The following TCF12 variants were observed in gnomAD, a reference collection of about 807,000 sequenced individuals.
The protein encoded by TCF12 is DNA-binding protein HTF4.
A neutral mutation model predicts 86.0 loss-of-function variants in TCF12; 45 were observed. The observed-to-expected ratio is 0.52, with a 90% CI of 0.41 to 0.67. The LOEUF (loss-of-function observed/expected upper bound fraction) is 0.67, where lower values mean the gene tolerates loss of function less well. Among genes scored for constraint, TCF12 ranks in the 30% least tolerant of loss-of-function variants. The pLI is 0.00. For missense variants in TCF12, 881 were observed against 859.9 expected (o/e 1.02, Z -0.31); for synonymous variants, 330 against 299.6 (o/e 1.10, Z -1.05).
At chr15:57,232,215 G>C in intron 9 of TCF12, 76 bp from the exon 10 acceptor site, 1 of 1,559,732 alleles carries the variant, frequency 6.4e-7, no homozygotes, top group Non-Finnish European at 8.8e-7. Flanking sequence ...GGTACCCCTT[G>C]AATTTTTATA....
At chr15:57,253,679 C>T (rs2152021761) in intron 16 of TCF12, among the ~76,000 whole-genome samples, 1 of 152,284 alleles carries the variant, frequency 6.6e-6, no homozygotes, top group East Asian at 1.9e-4. Flanking sequence ...AAGCTTTCTA[C>T]AGAGATCATT....
At chr15:57,181,599 T>G (rs932428090) in intron 6 of TCF12, among the ~76,000 whole-genome samples, 1 of 152,208 alleles carries the variant, frequency 6.6e-6, no homozygotes. Context: ...TTCCTTTCAT[T>G]TACTTTTTGT....
intron 3 of TCF12, among the ~76,000 whole-genome samples, chr15:56,998,964 C>T (rs937062214): frequency 1.4e-4 from 22 of 151,932 alleles, no homozygotes; most frequent in Non-Finnish European, 2.1e-4. Context: ...TTTGGGAGGC[C>T]GAGACGGGCG....
intron 4 of TCF12, among the ~76,000 whole-genome samples, chr15:57,074,931 AT>A (rs1247456365): frequency 6.6e-6 from 1 of 152,162 alleles, no homozygotes; most frequent in African/African-American, 2.4e-5. Flanking sequence ...TAATGGTTAG[AT>A]TTTTGTGTCA....
At chr15:57,048,387 A>G (rs974898487) in intron 3 of TCF12, among the ~76,000 whole-genome samples, 2 of 151,956 alleles carry the variant, frequency 1.3e-5, no homozygotes, top group African/African-American at 4.8e-5. Context: ...TCAGCCTCAC[A>G]AGTAGCTGGG....
intron 6 of TCF12, among the ~76,000 whole-genome samples, chr15:57,181,434 T>G (rs904682857): frequency 0.046 from 21 of 452 alleles, no homozygotes; most frequent in Non-Finnish European, 0.044. Flanking sequence ...TATAGCAGTA[T>G]GATTCTGAAT....
At chr15:57,060,340 C>T in intron 3 of TCF12, among the ~76,000 whole-genome samples, 1 of 152,092 alleles carries the variant, frequency 6.6e-6, no homozygotes, top group East Asian at 1.9e-4. Flanking sequence ...AAATGGAGCT[C>T]ATAGAATCAG....
chr15:57,040,896 T>C (rs1229266865), intron 3 of TCF12, among the ~76,000 whole-genome samples: 6 of 152,190 alleles, frequency 3.9e-5, no homozygotes, highest in Admixed American at 6.5e-5. Context: ...AAATTTCTGC[T>C]TAAGTGCATA....
intron 3 of TCF12, among the ~76,000 whole-genome samples, chr15:56,938,717 C>T (rs1207367112): frequency 1.3e-5 from 2 of 151,344 alleles, no homozygotes; most frequent in Non-Finnish European, 2.9e-5. Flanking sequence ...GATTAGGGCC[C>T]CCCTTCATGA....
At chr15:57,282,404 C>G (rs2061732123) in intron 19 of TCF12, 41 bp from the exon 20 acceptor site, 3 of 1,612,996 alleles carry the variant, frequency 1.9e-6, no homozygotes, top group Non-Finnish European at 2.5e-6. Flanking sequence ...TAATTCATAA[C>G]TTAAAACCAT....
intron 3 of TCF12, among the ~76,000 whole-genome samples, chr15:56,947,910 A>G (rs1317312333): frequency 1.3e-5 from 2 of 152,180 alleles, no homozygotes; most frequent in Admixed American, 6.6e-5. Context: ...TGCATGGAGC[A>G]GAGCTGGGTG....
intron 3 of TCF12, among the ~76,000 whole-genome samples, chr15:57,001,092 C>T (rs1488017570): frequency 2.7e-5 from 4 of 148,950 alleles, no homozygotes; most frequent in African/African-American, 9.9e-5. Flanking sequence ...TCTCGGCTCA[C>T]TGCAACCTGT....
intron 3 of TCF12, among the ~76,000 whole-genome samples, chr15:57,030,052 G>T (rs370864160): frequency 7.3e-6 from 1 of 137,664 alleles, no homozygotes; most frequent in African/African-American, 2.9e-5. Flanking sequence ...GCATGTTTTT[G>T]TATGAACATA....
chr15:56,919,952 C>A lies in TCF12; in HGVS notation c.39C>A (p.Thr13=), dbSNP rs748861864. Reference sequence around the variant, plus strand: ...AACAACGCATGGCCGCTATAGGGACCGACAAGGAGCTGAGCGACCTACTGG... The same window carrying A: ...AACAACGCATGGCCGCTATAGGGACAGACAAGGAGCTGAGCGACCTACTGG... ...PQQQRMAAIG[T]DKELSDLLDF... is the part of the protein sequence containing the mutation. Residue 13 remains threonine, a synonymous_variant, in exon 2 of 21, where the codon ACC becomes ACA. Coordinates refer to ENST00000333725, the MANE Select transcript of TCF12 (RefSeq NM_207037.2). 1 of 1,614,030 alleles carries A rather than the reference C, an allele frequency of 6.2e-7. No individual in the cohort carries two copies. The highest frequency in any genetic ancestry group is 1.3e-5 in the African/African-American group (1 of 75,010).
At chr15:57,041,597 G>T (rs2066899775) in intron 3 of TCF12, among the ~76,000 whole-genome samples, 1 of 152,066 alleles carries the variant, frequency 6.6e-6, no homozygotes, top group Non-Finnish European at 1.5e-5. Context: ...AACAACAATG[G>T]CACAAAGAAG....
intron 8 of TCF12, among the ~76,000 whole-genome samples, chr15:57,216,582 A>T (rs1438394005): frequency 5.5e-5 from 8 of 144,788 alleles, no homozygotes; most frequent in African/African-American, 2.0e-4. Flanking sequence ...AAAAAAAAAA[A>T]GCAAAGATTA....
chr15:57,043,856 T>G (rs1448086637), intron 3 of TCF12, among the ~76,000 whole-genome samples: 4 of 152,186 alleles, frequency 2.6e-5, no homozygotes, highest in Non-Finnish European at 5.9e-5. Flanking sequence ...AAGAAAAAAT[T>G]CAACTTTGCA....
intron 5 of TCF12, among the ~76,000 whole-genome samples, chr15:57,152,256 A>G (rs933564078): frequency 6.6e-6 from 1 of 152,230 alleles, no homozygotes; most frequent in Admixed American, 6.5e-5. Flanking sequence ...CATCAAAATT[A>G]TAAGTCACAC....
At chr15:57,223,877 C>A (rs1401514340) in intron 8 of TCF12, among the ~76,000 whole-genome samples, 3 of 151,320 alleles carry the variant, frequency 2.0e-5, no homozygotes, top group African/African-American at 7.3e-5. Flanking sequence ...TGTCCATGGG[C>A]CCAAAAGAGT....
Sources: gnomAD v4.1 joint callset for allele counts (sites outside exome capture counted in the v4.1 genomes callset) on GRCh38, gnomAD v4.1.1 for gene constraint, MANE v1.5 for transcripts, NCBI Gene and HGNC (gene_info 2026-07-23, HGNC 2026-07-21) for gene names.